The following FAM135B variants were observed in gnomAD, a reference collection of about 807,000 sequenced individuals.
FAM135B encodes the protein protein FAM135B.
FAM135B carries 43 observed loss-of-function variants against 127.7 expected under a neutral mutation model. That is an observed-to-expected ratio of 0.34 (90% CI 0.26 to 0.43). The LOEUF is 0.43. Among genes scored for constraint, FAM135B ranks in the 20% least tolerant of loss-of-function variants. FAM135B has a pLI of 1.00. For missense variants in FAM135B, 1,558 were observed against 1,725.6 expected, an observed-to-expected ratio of 0.90 and a Z score of 1.72; for synonymous variants, 670 against 665.1, an observed-to-expected ratio of 1.01 and a Z score of -0.11.
chr8:138,473,390 A>G (rs1248138483), intron 1 of FAM135B, among the ~76,000 whole-genome samples: 1 of 152,004 alleles, frequency 6.6e-6, no homozygotes, highest in East Asian at 1.9e-4. Context: ...TGCTTTACAC[A>G]ACCCTCCTGT....
chr8:138,228,261 A>G (rs553655585), intron 7 of FAM135B, among the ~76,000 whole-genome samples: 60 of 149,218 alleles, frequency 4.0e-4, no homozygotes, highest in African/African-American at 1.4e-3. Context: ...ATTTTTTTTT[A>G]CTGCTATCCA....
At chr8:138,153,508 G>A (rs995561524) in intron 12 of FAM135B, among the ~76,000 whole-genome samples, 1 of 152,202 alleles carries the variant, frequency 6.6e-6, no homozygotes, top group Non-Finnish European at 1.5e-5. Flanking sequence ...CCCAGGAAGT[G>A]CAAGGGGTCA....
chr8:138,352,461 A>T (rs1175721986), intron 2 of FAM135B, among the ~76,000 whole-genome samples: 1 of 152,210 alleles, frequency 6.6e-6, no homozygotes, highest in South Asian at 2.1e-4. Context: ...TCTTATGACT[A>T]GCTTCTGTTT....
At chr8:138,369,765 G>T (rs1312337447) in intron 1 of FAM135B, among the ~76,000 whole-genome samples, 1 of 152,104 alleles carries the variant, frequency 6.6e-6, no homozygotes, top group Non-Finnish European at 1.5e-5. Context: ...GCCACCCTGT[G>T]CTTCCCTTCA....
At chr8:138,494,583 G>A (rs2131702654) in intron 1 of FAM135B, among the ~76,000 whole-genome samples, 1 of 152,304 alleles carries the variant, frequency 6.6e-6, no homozygotes, top group Non-Finnish European at 1.5e-5. Context: ...ACCACCATGA[G>A]CAAAATCAGG....
chr8:138,325,107 A>T (rs1003461593), intron 2 of FAM135B, among the ~76,000 whole-genome samples: 1 of 118,366 alleles, frequency 8.4e-6, no homozygotes, highest in Admixed American at 9.9e-5. Flanking sequence ...TTCCCTAGAA[A>T]TCATTAACCC....
chr8:138,220,404 C>T (rs1356107786), intron 7 of FAM135B, among the ~76,000 whole-genome samples: 1 of 152,148 alleles, frequency 6.6e-6, no homozygotes, highest in Non-Finnish European at 1.5e-5. Flanking sequence ...AGGCAAAAAG[C>T]ATCGTTGTTG....
At chr8:138,481,160 C>T (rs1479718207) in intron 1 of FAM135B, among the ~76,000 whole-genome samples, 1 of 152,170 alleles carries the variant, frequency 6.6e-6, no homozygotes, top group East Asian at 1.9e-4. Context: ...TTGGCACATG[C>T]TATAGACTTG....
intron 7 of FAM135B, among the ~76,000 whole-genome samples, chr8:138,218,772 G>C (rs62531999): frequency 0.67 from 98,724 of 146,302 alleles, 33,025 homozygotes; most frequent in South Asian, 0.75. Context: ...CACACAGAGA[G>C]AGAGAGAGAG....
At position 138,484,705 on chromosome 8, in the gene FAM135B, CA is replaced by C. The variant is rs778768367; in HGVS notation, c.-20+11965del. ...TGGTTTTATTATCATTCTTTTTCTC[CA>C]ACATCCACATGCTTTTGAAAAGAAG... is the stretch of plus-strand genomic sequence containing the variant. On this transcript the variant is annotated intron_variant, in intron 1 of 19. Transcript: ENST00000395297. Among the ~76,000 whole-genome samples the C allele has an allele frequency of 1.1e-3, 165 of 152,088 alleles. 9 individuals are homozygous for C. Among genetic ancestry groups the C allele is most frequent in the Admixed American group, 9.2e-4 (14 of 15,290 alleles).
intron 2 of FAM135B, among the ~76,000 whole-genome samples, chr8:138,341,379 C>G (rs761077902): frequency 9.9e-5 from 15 of 152,064 alleles, no homozygotes; most frequent in Non-Finnish European, 1.8e-4. Flanking sequence ...CATAGAGATA[C>G]AAAGTTGAAT....
chr8:138,188,481 GA>G (rs2131059153), intron 9 of FAM135B, among the ~76,000 whole-genome samples: 1 of 152,290 alleles, frequency 6.6e-6, no homozygotes, highest in Non-Finnish European at 1.5e-5. Flanking sequence ...TTGGTGTGAG[GA>G]AAGCCTCCAC....
chr8:138,146,902 G>T (rs1817702162), intron 14 of FAM135B, among the ~76,000 whole-genome samples: 1 of 152,098 alleles, frequency 6.6e-6, no homozygotes, highest in Non-Finnish European at 1.5e-5. Context: ...TACCCCACAG[G>T]TCATAGTTCC....
chr8:138,222,822 G>T (rs1157716709), intron 7 of FAM135B, among the ~76,000 whole-genome samples: 1 of 151,750 alleles, frequency 6.6e-6, no homozygotes, highest in Non-Finnish European at 1.5e-5. Context: ...CTTAAATTAT[G>T]GATTATATTT....
intron 2 of FAM135B, among the ~76,000 whole-genome samples, chr8:138,345,536 A>T (rs184957482): frequency 6.8e-6 from 1 of 147,626 alleles, no homozygotes; most frequent in East Asian, 2.1e-4. Context: ...TCACAGTGGA[A>T]ACCCTTGTTT....
chr8:138,408,771 T>A (rs1214633118), intron 1 of FAM135B, among the ~76,000 whole-genome samples: 1 of 151,978 alleles, frequency 6.6e-6, no homozygotes, highest in Non-Finnish European at 1.5e-5. Flanking sequence ...CTCACTACCA[T>A]GAGAACAGCA....
At chr8:138,486,439 G>A (rs553230461) in intron 1 of FAM135B, among the ~76,000 whole-genome samples, 1 of 152,210 alleles carries the variant, frequency 6.6e-6, no homozygotes, top group South Asian at 2.1e-4. Flanking sequence ...GACCCACCTG[G>A]TCCCCTCTAC....
At chr8:138,159,278 C>CAAAAAAA (rs1441016128) in intron 12 of FAM135B, among the ~76,000 whole-genome samples, 3 of 31,648 alleles carry the variant, frequency 9.5e-5, no homozygotes, top group Non-Finnish European at 1.2e-4. Context: ...GACTCCGTCT[C>CAAAAAAA]AAAAAAAAAA....
rs562299357 is a variant in FAM135B at position 138,276,814 on chromosome 8, G to A, written c.158-10972C>T. 7.2e-4 allele frequency among the ~76,000 whole-genome samples: 109 copies of A among 152,118 alleles called. 1 individual carries two copies. The South Asian group carries it at 0.013, about 19-fold the overall frequency. ...GGGGAGCACAGAGAGTACCTAGTCC[G>A]AATGCCTGCCAGGCAGGGCGGTGAG... On this transcript the variant is annotated intron_variant, in intron 3 of 19. Transcript: ENST00000395297.
Sources: allele counts gnomAD v4.1 joint callset (sites outside exome capture counted in the v4.1 genomes callset), GRCh38; gene constraint gnomAD v4.1.1; transcripts MANE v1.5; gene names NCBI Gene and HGNC (gene_info 2026-07-23, HGNC 2026-07-21).